GIGYF2: variants seen among roughly 807,000 people sequenced by gnomAD.
The protein encoded by GIGYF2 is GRB10 interacting GYF protein 2, also known as GRB10-interacting GYF protein 2.
GIGYF2 carries 25 observed loss-of-function variants against 208.1 expected under a neutral mutation model. The observed-to-expected ratio is 0.12, with a 90% confidence interval of 0.09 to 0.17. The LOEUF (loss-of-function observed/expected upper bound fraction) is 0.17, where lower values mean the gene tolerates loss of function less well. Ranked by LOEUF, GIGYF2 falls within the 10% of genes least tolerant of loss-of-function variation. The probability of loss-of-function intolerance (pLI) is 1.00; values close to 1 mark genes in which losing one functional copy is unlikely to be tolerated. For missense variants in GIGYF2, 1,302 were observed against 1,579.4 expected (o/e 0.82, Z 2.98); for synonymous variants, 534 against 543.8 (o/e 0.98, Z 0.25).
At chr2:232,738,908 T>C (rs1447592237) in intron 3 of GIGYF2, among the ~76,000 whole-genome samples, 2 of 152,234 alleles carry the variant, frequency 1.3e-5, no homozygotes, top group Non-Finnish European at 2.9e-5. Flanking sequence ...GTGTGTTTGC[T>C]CTTGACAAAA....
At chr2:232,843,882 A>G in intron 23 of GIGYF2, 164 bp from the exon 24 acceptor site, 1 of 679,546 alleles carries the variant, frequency 1.5e-6, no homozygotes. Context: ...CTCCTTTTTA[A>G]TACTGTTAGC....
chr2:232,812,406 C>T lies in GIGYF2; in HGVS notation c.2022C>T (p.Asn674=). 7.0e-7 allele frequency: 1 copy of T among 1,435,674 alleles called. No homozygotes were observed. Among genetic ancestry groups the T allele is most frequent in the South Asian group, 1.1e-5 (1 of 87,524 alleles). The allele number at this position is 1,435,674 out of a possible 1,614,324, so 88.9% of individuals were successfully genotyped here. ...CCTTTTGCAGAATATCTGATCAGAA[C>T]ATCATTCCCTCAGTAACTAGGTCTG... is the stretch of plus-strand genomic sequence containing the variant. ...QTLKMRISDQ[N]IIPSVTRSVS... The change falls in exon 18 of 29, where the codon AAC becomes AAT. Residue 674 remains asparagine, a synonymous_variant. Transcript: ENST00000373563.
intron 8 of GIGYF2, among the ~76,000 whole-genome samples, chr2:232,775,908 T>G (rs1376882456): frequency 6.6e-6 from 1 of 152,220 alleles, no homozygotes; most frequent in Non-Finnish European, 1.5e-5. Flanking sequence ...CAAACACTAT[T>G]GAGTTCTAAC....
chr2:232,749,772 A>G (rs1383429647), intron 5 of GIGYF2, among the ~76,000 whole-genome samples: 2 of 152,184 alleles, frequency 1.3e-5, no homozygotes, highest in Non-Finnish European at 2.9e-5. Context: ...TTTGACTCTT[A>G]AGGAAAAGGT....
chr2:232,788,834 C>T (rs760073716), intron 9 of GIGYF2, among the ~76,000 whole-genome samples: 12 of 151,900 alleles, frequency 7.9e-5, no homozygotes, highest in Admixed American at 2.0e-4. Context: ...TTCAGTCACA[C>T]CTGTGGCTGA....
rs779990667 is a variant in GIGYF2 at position 232,844,222 on chromosome 2, A to C, written c.3066A>C (p.Gln1022His). 2 of 1,565,596 alleles carry C rather than the reference A, an allele frequency of 1.3e-6. No individual in the cohort carries two copies. Among genetic ancestry groups the C allele is most frequent in the East Asian group, 2.4e-5 (1 of 41,972 alleles). Reference sequence around the variant, plus strand: ...AAAAGCAGCAGCAGCAGCAGCAGCAACACCAGCAACCAAACAGAGCTCGTA... The same window carrying C: ...AAAAGCAGCAGCAGCAGCAGCAGCACCACCAGCAACCAAACAGAGCTCGTA... ...QMQKQQQQQQ[Q>H]HQQPNRARNN... is the part of the protein sequence containing the mutation. The change falls in exon 24 of 29, where the codon CAA becomes CAC. Residue 1022 changes from glutamine to histidine, a missense_variant. Coordinates refer to ENST00000373563, the MANE Select transcript of GIGYF2 (RefSeq NM_001103146.3).
intron 21 of GIGYF2, among the ~76,000 whole-genome samples, chr2:232,820,742 G>A (rs1023585608): frequency 2.6e-5 from 4 of 152,072 alleles, no homozygotes; most frequent in African/African-American, 9.7e-5. Flanking sequence ...GTTCTTCATT[G>A]TATGTTTTTG....
chr2:232,807,724 A>G (rs1041360910), intron 15 of GIGYF2, among the ~76,000 whole-genome samples: 3 of 152,166 alleles, frequency 2.0e-5, no homozygotes, highest in African/African-American at 7.2e-5. Context: ...TGTAGTTAAA[A>G]GTTACCATAA....
intron 2 of GIGYF2, among the ~76,000 whole-genome samples, chr2:232,727,555 A>G (rs548699945): frequency 3.9e-5 from 6 of 152,298 alleles, no homozygotes; most frequent in African/African-American, 1.2e-4. Context: ...ATATGGGTCT[A>G]TTTTAGTTAC....
At chr2:232,769,636 CT>C (rs1328442390) in intron 8 of GIGYF2, among the ~76,000 whole-genome samples, 3 of 151,932 alleles carry the variant, frequency 2.0e-5, no homozygotes, top group Non-Finnish European at 2.9e-5. Flanking sequence ...TTCAGTGCAC[CT>C]TTCAGGTCTA....
chr2:232,713,192 C>T (rs1696511412), intron 2 of GIGYF2, among the ~76,000 whole-genome samples: 1 of 151,870 alleles, frequency 6.6e-6, no homozygotes, highest in South Asian at 2.1e-4. Flanking sequence ...TCTCCAGCCT[C>T]AGCCTCCCGA....
chr2:232,776,601 G>T (rs1699524688), intron 8 of GIGYF2: 4 of 682,052 alleles, frequency 5.9e-6, no homozygotes, highest in Admixed American at 2.1e-5. Flanking sequence ...TTATAATGTT[G>T]TGGGGGCTGG....
chr2:232,727,692 T>G (rs1405064899), intron 2 of GIGYF2, among the ~76,000 whole-genome samples: 1 of 152,222 alleles, frequency 6.6e-6, no homozygotes, highest in African/African-American at 2.4e-5. Flanking sequence ...TATCAGCCTG[T>G]ACAGTGATTG....
At chr2:232,820,894 G>A (rs1374798297) in intron 21 of GIGYF2, among the ~76,000 whole-genome samples, 1 of 146,742 alleles carries the variant, frequency 6.8e-6, no homozygotes, top group Admixed American at 6.8e-5. Flanking sequence ...GCAGTGGCGC[G>A]ATTTTGGCTT....
chr2:232,736,230 A>C (rs1298767170), intron 3 of GIGYF2: 1 of 870,884 alleles, frequency 1.1e-6, no homozygotes, highest in Non-Finnish European at 1.4e-6. Flanking sequence ...GAACATGTTA[A>C]CCTAAGTAAT....
In GIGYF2 at chr2:232,760,470, T is replaced by C; in HGVS notation, c.380-10T>C. The C allele has an allele frequency of 1.9e-6, 3 of 1,583,924 alleles. No homozygotes were observed. The highest frequency in any genetic ancestry group is 4.5e-5 in the East Asian group (2 of 44,674). On this transcript the variant is annotated splice_polypyrimidine_tract_variant and intron_variant, in intron 6 of 28. Transcript: ENST00000373563. ...CTGACTATCATTTTTTTCTGTTTTC[T>C]TATTTTCAGGCAGAGGCAGAGGTGA...
chr2:232,815,426 A>G (rs1346632935), intron 18 of GIGYF2, among the ~76,000 whole-genome samples: 1 of 152,204 alleles, frequency 6.6e-6, no homozygotes, highest in Non-Finnish European at 1.5e-5. Flanking sequence ...TCCCTGATAA[A>G]TGCCTGGTAC....
chr2:232,810,323 C>T (rs1448511661), intron 16 of GIGYF2: 1 of 157,286 alleles, frequency 6.4e-6, no homozygotes, highest in African/African-American at 2.4e-5. Flanking sequence ...TAGAAGATGA[C>T]ACATAACTTT....
chr2:232,854,646 G>C (rs1334569971), intron 28 of GIGYF2, among the ~76,000 whole-genome samples: 1 of 152,116 alleles, frequency 6.6e-6, no homozygotes, highest in African/African-American at 2.4e-5. Context: ...ATTTGGTCTT[G>C]TAAGCAGTTG....
Sources: allele counts gnomAD v4.1 joint callset (sites outside exome capture counted in the v4.1 genomes callset), GRCh38; gene constraint gnomAD v4.1.1; transcripts MANE v1.5; gene names NCBI Gene and HGNC (gene_info 2026-07-23, HGNC 2026-07-21).